RHEB: variants seen among roughly 807,000 people sequenced by gnomAD.
RHEB encodes GTP-binding protein Rheb.
A neutral mutation model predicts 28.8 loss-of-function variants in RHEB; 2 were observed. The observed-to-expected ratio is 0.07, with a 90% CI of 0.03 to 0.22. RHEB has a LOEUF of 0.22. Ranked by LOEUF, RHEB falls within the 10% of genes least tolerant of loss-of-function variation. The pLI, the probability that RHEB is intolerant of heterozygous loss-of-function variation, is 1.00. For missense variants in RHEB, 76 were observed against 219.9 expected (o/e 0.35, Z 4.14); for synonymous variants, 69 against 77.3 (o/e 0.89, Z 0.56).
chr7:151,502,644 T>C, intron 1 of RHEB: 1 of 1,600,048 alleles, frequency 6.2e-7, no homozygotes, highest in Non-Finnish European at 8.6e-7. Context: ...TAGATGGTAG[T>C]GGTGCACTTT....
intron 1 of RHEB, among the ~76,000 whole-genome samples, chr7:151,516,737 C>T (rs1171771585): frequency 1.3e-5 from 2 of 151,258 alleles, no homozygotes; most frequent in Non-Finnish European, 2.9e-5. Flanking sequence ...ATCACAATGA[C>T]AAGTATCCTA....
intron 4 of RHEB, among the ~76,000 whole-genome samples, chr7:151,473,945 T>C (rs1231829881): frequency 6.6e-6 from 1 of 152,158 alleles, no homozygotes; most frequent in Non-Finnish European, 1.5e-5. Context: ...GCAATCTAAA[T>C]AGTTGAGGTG....
chr7:151,483,677 T>C (rs1317865298), intron 3 of RHEB, among the ~76,000 whole-genome samples: 1 of 152,152 alleles, frequency 6.6e-6, no homozygotes, highest in Non-Finnish European at 1.5e-5. Flanking sequence ...CACCACTGCC[T>C]TCCAGCCTGG....
chr7:151,491,442 A>C (rs752101435), intron 1 of RHEB, among the ~76,000 whole-genome samples: 6 of 152,220 alleles, frequency 3.9e-5, no homozygotes, highest in African/African-American at 9.6e-5. Context: ...CAGCTTTTAA[A>C]AAGAGTAATC....
chr7:151,519,361 T>A (rs1343602327), intron 1 of RHEB, 99 bp downstream of exon 1: 1 of 862,150 alleles, frequency 1.2e-6, no homozygotes, highest in Non-Finnish European at 1.5e-6. Context: ...CCCCGCCACA[T>A]GGCCGCGCCG....
At chr7:151,480,141 C>G (rs1435571783) in intron 3 of RHEB, among the ~76,000 whole-genome samples, 2 of 151,994 alleles carry the variant, frequency 1.3e-5, no homozygotes, top group African/African-American at 2.4e-5. Context: ...GAACTGTAAC[C>G]CTATGATAGC....
At chr7:151,502,959 C>A in intron 1 of RHEB, 1 of 784,082 alleles carries the variant, frequency 1.3e-6, no homozygotes, top group Non-Finnish European at 2.4e-6. Context: ...AATCAAGCTA[C>A]TGAGTTATCT....
At chr7:151,509,070 C>G (rs1802939173) in intron 1 of RHEB, among the ~76,000 whole-genome samples, 1 of 152,102 alleles carries the variant, frequency 6.6e-6, no homozygotes, top group Non-Finnish European at 1.5e-5. Context: ...AGAAAGAGTC[C>G]AACTCCCCCT....
At chr7:151,480,596 T>G (rs549210621) in intron 3 of RHEB, among the ~76,000 whole-genome samples, 1 of 152,158 alleles carries the variant, frequency 6.6e-6, no homozygotes, top group Non-Finnish European at 1.5e-5. Context: ...TACACCTATT[T>G]TTTAAAAATT....
intron 6 of RHEB, 109 bp downstream of exon 6, chr7:151,471,285 A>T (rs1802157307): frequency 1.3e-6 from 1 of 794,016 alleles, no homozygotes; most frequent in Non-Finnish European, 2.1e-6. Flanking sequence ...AACACCTCTG[A>T]ACGGATAAAA....
intron 1 of RHEB, among the ~76,000 whole-genome samples, chr7:151,498,552 G>A (rs572183951): frequency 3.9e-5 from 6 of 152,140 alleles, no homozygotes; most frequent in South Asian, 2.1e-4. Flanking sequence ...ACTTGAGCCC[G>A]GGAGGTCAAA....
intron 3 of RHEB, among the ~76,000 whole-genome samples, chr7:151,481,656 T>G (rs1255864043): frequency 6.6e-6 from 1 of 152,248 alleles, no homozygotes; most frequent in Non-Finnish European, 1.5e-5. Context: ...ATCTTTAATT[T>G]ATTGTCTCTC....
intron 1 of RHEB, among the ~76,000 whole-genome samples, chr7:151,496,505 T>C (rs566836449): frequency 2.6e-5 from 4 of 152,290 alleles, no homozygotes; most frequent in South Asian, 4.1e-4. Context: ...CAGCATGGAC[T>C]GCAAACAAGA....
intron 1 of RHEB, among the ~76,000 whole-genome samples, chr7:151,496,943 CTATT>C (rs991928188): frequency 1.7e-4 from 24 of 144,880 alleles, no homozygotes; most frequent in Admixed American, 5.4e-4. Context: ...CCACACTCGG[CTATT>C]TTTTTTTTTT....
chr7:151,474,203 C>T (rs765022921), intron 4 of RHEB, among the ~76,000 whole-genome samples: 1 of 150,738 alleles, frequency 6.6e-6, no homozygotes, highest in African/African-American at 2.4e-5. Flanking sequence ...TTTTGAGACA[C>T]AGCCTTGCTT....
intron 1 of RHEB, among the ~76,000 whole-genome samples, chr7:151,514,692 A>T (rs1803045152): frequency 6.6e-6 from 1 of 152,202 alleles, no homozygotes; most frequent in Admixed American, 6.5e-5. Flanking sequence ...AAATGAAAAC[A>T]TGTCTACATA....
In RHEB at chr7:151,482,321, T is replaced by C. The variant is rs58545903; in HGVS notation, c.192+2416A>G. On this transcript the variant is annotated intron_variant, in intron 3 of 7. Coordinates refer to ENST00000262187, the MANE Select transcript of RHEB (RefSeq NM_005614.4). The stretch of plus-strand genomic sequence containing the variant: ...CTGCAGTGGTGCTATCACAGCTCAC[T>C]GCAACCTCAAACTCCTGGGCTCAAG... 6.0e-3 allele frequency among the ~76,000 whole-genome samples: 917 copies of C among 152,314 alleles called. 14 individuals are homozygous for C. Among genetic ancestry groups the C allele is most frequent in the African/African-American group, 0.021 (868 of 41,560 alleles).
chr7:151,493,191 CT>C (rs1563096788), intron 1 of RHEB, among the ~76,000 whole-genome samples: 1 of 152,100 alleles, frequency 6.6e-6, no homozygotes, highest in African/African-American at 2.4e-5. Context: ...CATCCCTGCT[CT>C]GGTTACCACT....
intron 1 of RHEB, among the ~76,000 whole-genome samples, chr7:151,494,172 T>C (rs1386235700): frequency 1.3e-5 from 2 of 152,212 alleles, no homozygotes; most frequent in African/African-American, 2.4e-5. Context: ...AAAAAGATTT[T>C]TGCAACATTT....
Sources: gnomAD v4.1 joint callset for allele counts (sites outside exome capture counted in the v4.1 genomes callset) on GRCh38, gnomAD v4.1.1 for gene constraint, MANE v1.5 for transcripts, NCBI Gene and HGNC (gene_info 2026-07-23, HGNC 2026-07-21) for gene names.